The following PPP1R42 variants were observed in gnomAD, a reference collection of about 807,000 sequenced individuals.
PPP1R42 encodes the protein protein phosphatase 1 regulatory subunit 42, also known as leucine rich repeat containing 67.
Under a neutral mutation model 31.0 loss-of-function variants are expected in PPP1R42, and 34 were observed. That is an observed-to-expected ratio of 1.10 (90% CI 0.83 to 1.46). PPP1R42 has a LOEUF of 1.46. Ranked by LOEUF, PPP1R42 falls within the 40% of genes most tolerant of loss-of-function variation. The probability of loss-of-function intolerance (pLI) is 0.00; values close to 1 mark genes in which losing one functional copy is unlikely to be tolerated. For missense variants in PPP1R42, 268 were observed against 303.0 expected, an observed-to-expected ratio of 0.88 and a Z score of 0.86; for synonymous variants, 103 against 109.8, an observed-to-expected ratio of 0.94 and a Z score of 0.39.
intron 7 of PPP1R42, among the ~76,000 whole-genome samples, chr8:66,979,168 T>C (rs1814757328): frequency 1.3e-5 from 2 of 152,182 alleles, no homozygotes; most frequent in Non-Finnish European, 2.9e-5. Flanking sequence ...TTTCTTCTAG[T>C]AGTTTTATAG....
At chr8:66,968,486 A>G in intron 7 of PPP1R42, 1 of 985,210 alleles carries the variant, frequency 1.0e-6, no homozygotes, top group Non-Finnish European at 1.2e-6. Context: ...TATAGAGTGT[A>G]GGGACACGTC....
At chr8:67,020,683 G>T (rs1484803210) in intron 1 of PPP1R42, among the ~76,000 whole-genome samples, 2 of 152,196 alleles carry the variant, frequency 1.3e-5, no homozygotes, top group East Asian at 3.8e-4. Flanking sequence ...ACAGTACCTG[G>T]TACATAGGTC....
chr8:66,982,261 A>G (rs1410382678), intron 6 of PPP1R42, 81 bp from the exon 7 acceptor site: 20 of 639,100 alleles, frequency 3.1e-5, no homozygotes, highest in Non-Finnish European at 4.4e-5. Context: ...GGTTCAGAGC[A>G]CAGAAACTTA....
chr8:67,017,853 A>G (rs1816063831), intron 1 of PPP1R42, 22 bp from the exon 2 acceptor site: 2 of 1,258,080 alleles, frequency 1.6e-6, no homozygotes, highest in East Asian at 5.4e-5. Context: ...AGAAAAAAGG[A>G]GCATTATGAT....
chr8:67,010,386 T>C (rs771660861), intron 5 of PPP1R42, among the ~76,000 whole-genome samples: 44 of 152,188 alleles, frequency 2.9e-4, no homozygotes, highest in Non-Finnish European at 5.4e-4. Context: ...AACTCATTCA[T>C]TGGGAGATCA....
At chr8:66,986,642 A>G (rs1815026579) in intron 6 of PPP1R42, among the ~76,000 whole-genome samples, 1 of 152,202 alleles carries the variant, frequency 6.6e-6, no homozygotes, top group Non-Finnish European at 1.5e-5. Context: ...TGTTTCCCGG[A>G]CTAAGCCTGT....
chr8:66,975,852 TATC>T (rs201521651), intron 7 of PPP1R42, among the ~76,000 whole-genome samples: 3,514 of 152,294 alleles, frequency 0.023, 52 homozygotes, highest in Middle Eastern at 0.037. Flanking sequence ...CTCAAACATT[TATC>T]ATTTCTTTGT....
At chr8:66,999,100 C>T (rs1187403034) in intron 5 of PPP1R42, among the ~76,000 whole-genome samples, 1 of 152,166 alleles carries the variant, frequency 6.6e-6, no homozygotes, top group Non-Finnish European at 1.5e-5. Context: ...GTTCCCCCGG[C>T]CAGCTGGAGA....
chr8:66,986,718 T>C (rs897979283), intron 6 of PPP1R42, among the ~76,000 whole-genome samples: 4 of 152,236 alleles, frequency 2.6e-5, no homozygotes, highest in Non-Finnish European at 5.9e-5. Context: ...TTTCCTTATA[T>C]GGAGAATAAG....
intron 2 of PPP1R42, among the ~76,000 whole-genome samples, chr8:67,015,540 G>C (rs1370187145): frequency 1.3e-5 from 2 of 150,984 alleles, no homozygotes; most frequent in African/African-American, 4.9e-5. Context: ...GATTGTGTCT[G>C]AATAGGATTA....
intron 5 of PPP1R42, among the ~76,000 whole-genome samples, chr8:67,009,542 T>C (rs1815784604): frequency 1.3e-5 from 2 of 152,090 alleles, no homozygotes; most frequent in Admixed American, 6.5e-5. Flanking sequence ...CACTCCAGTG[T>C]GGGCAACAGA....
chr8:66,999,802 G>C lies in PPP1R42; in HGVS notation c.552+10913C>G, dbSNP rs151252381. 1.8e-4 allele frequency among the ~76,000 whole-genome samples: 28 copies of C among 152,326 alleles called. No homozygotes were observed. In the East Asian group the frequency reaches 3.5e-3, roughly 19 times the overall value. ...AAATATGATGTATTTAATAGATACA[G>C]AGCTATTCAGACTTTCTGTTTCTTA... On this transcript the variant is annotated intron_variant, in intron 5 of 7. Coordinates refer to ENST00000685739, the MANE Select transcript of PPP1R42 (RefSeq NM_001364910.1).
chr8:67,009,862 C>T (rs1327991488), intron 5 of PPP1R42, among the ~76,000 whole-genome samples: 5 of 152,178 alleles, frequency 3.3e-5, no homozygotes. Flanking sequence ...TTTAGGGTCA[C>T]CAAATGGCTG....
chr8:67,005,563 T>G (rs1012681439), intron 5 of PPP1R42, among the ~76,000 whole-genome samples: 2 of 152,220 alleles, frequency 1.3e-5, no homozygotes, highest in African/African-American at 4.8e-5. Context: ...GAGGTGGAAT[T>G]ATTCTGTTTC....
At position 67,010,787 on chromosome 8, in the gene PPP1R42, GTCA is replaced by G; in HGVS notation, c.477_479del (p.Asp160del). The G allele has an allele frequency of 6.2e-7, 1 of 1,605,322 alleles. No individual in the cohort carries two copies. Reference sequence around the variant, plus strand: ...TCTCTAGTAGTTCTAAGTCTGTAATGTCATCAATATTATTATTGCTGATATTCA... The same window carrying G: ...TCTCTAGTAGTTCTAAGTCTGTAATGTCAATATTATTATTGCTGATATTCA... On this transcript the variant is annotated inframe_deletion, in exon 5 of 8. Coordinates refer to ENST00000685739, the MANE Select transcript of PPP1R42 (RefSeq NM_001364910.1).
In PPP1R42 at chr8:66,998,913, T is replaced by A. The variant is rs182560741; in HGVS notation, c.553-10396A>T. On this transcript the variant is annotated intron_variant, in intron 5 of 7. Coordinates refer to ENST00000685739, the MANE Select transcript of PPP1R42 (RefSeq NM_001364910.1). ...CACCTGGTCATTGTGTGTTTTTTTT[T>A]ATATATTTCTGGGCTTGATTTGCTA... Among the ~76,000 whole-genome samples, 696 of 152,290 alleles carry A rather than the reference T, an allele frequency of 4.6e-3. 8 individuals are homozygous for A. Among genetic ancestry groups the A allele is most frequent in the African/African-American group, 0.016 (659 of 41,548 alleles).
intron 7 of PPP1R42, among the ~76,000 whole-genome samples, chr8:66,979,517 A>C (rs1814769299): frequency 6.6e-6 from 1 of 152,204 alleles, no homozygotes; most frequent in African/African-American, 2.4e-5. Context: ...CACCTTGGTC[A>C]AAAATCAGTT....
Position 67,017,797 on chromosome 8 carries a change from G to A in PPP1R42, c.-50C>T. 1.3e-6 allele frequency: 2 copies of A among 1,513,956 alleles called. No individual in the cohort carries two copies. Among genetic ancestry groups the A allele is most frequent in the Non-Finnish European group, 1.8e-6 (2 of 1,135,036 alleles). The allele number at this position is 1,513,956 out of a possible 1,614,324, so 93.8% of individuals were successfully genotyped here. A position where few individuals can be genotyped will look rare whatever the true frequency, so the allele number is the denominator to read the frequency against. On this transcript the variant is annotated 5_prime_UTR_variant, in exon 2 of 8. Transcript: ENST00000685739. Reference sequence around the variant, plus strand: ...AGCAAAAGCTCTGTTTTGACACCATGTCAAGAAGTAGGTTTAGGTATTATT... The same window carrying A: ...AGCAAAAGCTCTGTTTTGACACCATATCAAGAAGTAGGTTTAGGTATTATT...
intron 6 of PPP1R42, chr8:66,984,842 C>A: frequency 6.3e-7 from 1 of 1,593,550 alleles, no homozygotes; most frequent in South Asian, 1.1e-5. Flanking sequence ...CTGACTTTTT[C>A]TAGTAGTTCC....
Sources: gnomAD v4.1 joint callset for allele counts (sites outside exome capture counted in the v4.1 genomes callset) on GRCh38, gnomAD v4.1.1 for gene constraint, MANE v1.5 for transcripts, NCBI Gene and HGNC (gene_info 2026-07-23, HGNC 2026-07-21) for gene names.